Variants in MTNAP1 observed in about 807,000 individuals in gnomAD.
MTNAP1 encodes the protein mitochondrial nucleoid associated protein 1.
At chr17:73,236,450 A>G in the MTNAP1 span, 3 of 1,614,222 alleles carry the variant, frequency 1.9e-6, no homozygotes, top group Non-Finnish European at 2.5e-6. Flanking sequence ...ACAGAAAAGC[A>G]GGAACGGACT....
At chr17:73,234,254 A>G in the MTNAP1 span, among the ~76,000 whole-genome samples, 11 of 152,184 alleles carry the variant, frequency 7.2e-5, no homozygotes, top group African/African-American at 2.4e-4. Context: ...TCAACTAAAC[A>G]TTGGAATTAA....
At chr17:73,244,004 C>G in the MTNAP1 span, among the ~76,000 whole-genome samples, 1 of 152,156 alleles carries the variant, frequency 6.6e-6, no homozygotes, top group Non-Finnish European at 1.5e-5. Context: ...TGTCACTTAC[C>G]AATGTGTCTA....
At chr17:73,247,166 C>G in the MTNAP1 span, 1 of 1,345,920 alleles carries the variant, frequency 7.4e-7, no homozygotes, top group Non-Finnish European at 1.1e-6. Flanking sequence ...CACACAACAA[C>G]AGCAAAGTCG....
chr17:73,241,571 G>A, the MTNAP1 span, among the ~76,000 whole-genome samples: 3 of 152,192 alleles, frequency 2.0e-5, no homozygotes, highest in Non-Finnish European at 2.9e-5. Context: ...TGTTGACTGT[G>A]GGCAAGTCAC....
At chr17:73,248,615 G>C in the MTNAP1 span, 1 of 1,415,870 alleles carries the variant, frequency 7.1e-7, no homozygotes, top group Non-Finnish European at 9.8e-7. Context: ...CCGCAGAAGA[G>C]GCATGGTGAC....
the MTNAP1 span, chr17:73,232,456 G>T: frequency 4.8e-6 from 4 of 827,692 alleles, no homozygotes; most frequent in Non-Finnish European, 1.8e-6. Flanking sequence ...CCCTGGGGTG[G>T]CAGAAGCGCT....
At chr17:73,247,722 A>G in the MTNAP1 span, 1 of 172,342 alleles carries the variant, frequency 5.8e-6, no homozygotes, top group African/African-American at 2.4e-5. Flanking sequence ...TTTGTTTGAC[A>G]TTGGTAAGTA....
At chr17:73,235,420 A>G in the MTNAP1 span, 1 of 1,385,922 alleles carries the variant, frequency 7.2e-7, no homozygotes, top group Non-Finnish European at 9.8e-7. Flanking sequence ...ACATAAGTAA[A>G]ATATTGGTAT....
At chr17:73,244,744 G>C in the MTNAP1 span, 35 of 154,886 alleles carry the variant, frequency 2.3e-4, no homozygotes, top group Non-Finnish European at 3.6e-4. Context: ...ATTGGGATTC[G>C]TTTGATGAAA....
the MTNAP1 span, among the ~76,000 whole-genome samples, chr17:73,241,007 A>G: frequency 6.6e-5 from 10 of 152,266 alleles, no homozygotes; most frequent in South Asian, 4.1e-4. Context: ...AGCAACTTTT[A>G]CCACACTTGC....
chr17:73,234,393 A>G, the MTNAP1 span, among the ~76,000 whole-genome samples: 1 of 151,380 alleles, frequency 6.6e-6, no homozygotes, highest in Non-Finnish European at 1.5e-5. Flanking sequence ...AATCTGTTGT[A>G]CTAGAAACTA....
the MTNAP1 span, chr17:73,236,752 T>TC: frequency 6.2e-7 from 1 of 1,614,154 alleles, no homozygotes; most frequent in Non-Finnish European, 8.5e-7. Flanking sequence ...GTTCCAAGCA[T>TC]CACACACTGG....
chr17:73,248,250 G>GA, the MTNAP1 span: 2 of 492,578 alleles, frequency 4.1e-6, no homozygotes. Flanking sequence ...AGACTCCTCA[G>GA]AACGAATAGT....
the MTNAP1 span, among the ~76,000 whole-genome samples, chr17:73,239,685 ATTTTTTT>A: frequency 6.9e-6 from 1 of 145,580 alleles, no homozygotes; most frequent in Non-Finnish European, 1.5e-5. Flanking sequence ...CGCCCAGCTA[ATTTTTTT>A]TTTTTTTAAG....
At chr17:73,234,575 C>T in the MTNAP1 span, among the ~76,000 whole-genome samples, 1 of 151,822 alleles carries the variant, frequency 6.6e-6, no homozygotes, top group East Asian at 1.9e-4. Flanking sequence ...CCTGTAGTCC[C>T]AGCTCCTCGG....
the MTNAP1 span, among the ~76,000 whole-genome samples, chr17:73,234,773 C>CTGTGTGTGTGTGTGTGTGTGTGTGTGTG: frequency 0.015 from 2,235 of 145,918 alleles, 27 homozygotes; most frequent in East Asian, 0.05. Flanking sequence ...TTATGTATAT[C>CTGTGTGTGTGTGTGTGTGTGTGTGTGTG]TGTGTGTGTG....
the MTNAP1 span, chr17:73,242,294 G>GACTTACAA: frequency 1.4e-5 from 23 of 1,605,692 alleles, no homozygotes; most frequent in Non-Finnish European, 2.0e-5. Context: ...GGAACCCCCT[G>GACTTACAA]CCGGACTTAC....
At chr17:73,234,019 T>C in the MTNAP1 span, among the ~76,000 whole-genome samples, 1 of 152,240 alleles carries the variant, frequency 6.6e-6, no homozygotes, top group African/African-American at 2.4e-5. Context: ...GTCTATTTTG[T>C]AAGTGGTTTC....
At chr17:73,243,085 T>TGTTG in the MTNAP1 span, 1 of 877,196 alleles carries the variant, frequency 1.1e-6, no homozygotes, top group South Asian at 1.5e-5. Flanking sequence ...GAATTTTTTT[T>TGTTG]TTTTTTTTTT....
Sources: allele counts gnomAD v4.1 joint callset (sites outside exome capture counted in the v4.1 genomes callset), GRCh38; gene constraint gnomAD v4.1.1; transcripts MANE v1.5; gene names NCBI Gene and HGNC (gene_info 2026-07-23, HGNC 2026-07-21).